ACBD6: variants seen among roughly 807,000 people sequenced by gnomAD.
ACBD6 encodes acyl-CoA binding domain containing 6.
A neutral mutation model predicts 37.2 loss-of-function variants in ACBD6; 28 were observed. The ratio of observed to expected loss-of-function variants is 0.75; its 90% confidence interval spans 0.56 to 1.03. ACBD6 has a LOEUF of 1.03. Ranked by LOEUF, ACBD6 falls within the 50% of genes least tolerant of loss-of-function variation. The pLI is 0.00. For synonymous variants in ACBD6, 113 were observed against 126.8 expected, an observed-to-expected ratio of 0.89 and a Z score of 0.73; for missense variants, 340 against 337.4, an observed-to-expected ratio of 1.01 and a Z score of -0.06.
chr1:180,368,885 G>C (rs997083728), intron 6 of ACBD6, among the ~76,000 whole-genome samples: 3 of 152,110 alleles, frequency 2.0e-5, no homozygotes, highest in African/African-American at 7.2e-5. Context: ...ACAGGTAACT[G>C]AAACTGCAGA....
At chr1:180,382,179 AAAT>A (rs1157859845) in intron 6 of ACBD6, among the ~76,000 whole-genome samples, 2 of 151,832 alleles carry the variant, frequency 1.3e-5, no homozygotes, top group African/African-American at 4.8e-5. Flanking sequence ...TTAGTATAAG[AAAT>A]AATAAATCAC....
chr1:180,437,687 T>C (rs1211338164), intron 3 of ACBD6, among the ~76,000 whole-genome samples: 1 of 151,984 alleles, frequency 6.6e-6, no homozygotes, highest in Non-Finnish European at 1.5e-5. Flanking sequence ...TCAGGTTAGG[T>C]CTGACAGAGA....
At chr1:180,419,292 A>G (rs1648249212) in intron 4 of ACBD6, among the ~76,000 whole-genome samples, 1 of 152,246 alleles carries the variant, frequency 6.6e-6, no homozygotes, top group Non-Finnish European at 1.5e-5. Flanking sequence ...GATGACAAAT[A>G]GACATTTGGA....
chr1:180,455,139 G>T (rs149468612), intron 3 of ACBD6, among the ~76,000 whole-genome samples: 20 of 152,310 alleles, frequency 1.3e-4, no homozygotes, highest in African/African-American at 3.8e-4. Context: ...ATCAGTGATA[G>T]ACTGGATTAA....
At chr1:180,271,395 G>C (rs769927908) in exon 14 of ACBD6, 1 of 1,614,182 alleles carries the variant, frequency 6.2e-7, no homozygotes, top group Non-Finnish European at 8.5e-7. Context: ...TCAGAGGCTG[G>C]AGCTAAGCGG....
rs1404597729 is a variant in ACBD6 at position 180,358,063 on chromosome 1, T to A, written c.663+39453A>T. ...AAAAAGAAAAATTCCTTGAAAGTCATGTTGTTTTTAACAAAGAGGTTTTCA... is the reference window on the plus strand; with the variant it reads ...AAAAAGAAAAATTCCTTGAAAGTCAAGTTGTTTTTAACAAAGAGGTTTTCA... On this transcript the variant is annotated intron_variant, in intron 6 of 7. Transcript: ENST00000367595. Among the ~76,000 whole-genome samples, 3 of 152,248 alleles carry A rather than the reference T, an allele frequency of 2.0e-5. No homozygotes were observed. In the East Asian group the frequency reaches 5.8e-4, roughly 29 times the overall value.
chr1:180,344,017 A>T (rs1391415441), intron 6 of ACBD6, among the ~76,000 whole-genome samples: 2 of 152,182 alleles, frequency 1.3e-5, no homozygotes, highest in African/African-American at 4.8e-5. Flanking sequence ...GATGAGGACC[A>T]TATTAGACAC....
At chr1:180,494,394 A>C (rs998921435) in intron 2 of ACBD6, among the ~76,000 whole-genome samples, 1 of 152,238 alleles carries the variant, frequency 6.6e-6, no homozygotes, top group Admixed American at 6.5e-5. Context: ...TCTTTAGAAC[A>C]GTAATAATAT....
rs192882689 is a variant in ACBD6 at position 180,465,367 on chromosome 1, T to G, written c.384+26902A>C. Among the ~76,000 whole-genome samples, 106 of 152,166 alleles carry G rather than the reference T, an allele frequency of 7.0e-4. 1 individual carries two copies. The East Asian group carries it at 0.013, about 19-fold the overall frequency. On this transcript the variant is annotated intron_variant, in intron 3 of 7. Coordinates refer to ENST00000367595, the MANE Select transcript of ACBD6 (RefSeq NM_032360.4). ...GTAGGCAAAGGACATGAAAAGACAC[T>G]TTTCAAAAGAAGACATACATGTGGC...
At chr1:180,414,261 A>G (rs1647987261) in intron 4 of ACBD6, among the ~76,000 whole-genome samples, 1 of 152,260 alleles carries the variant, frequency 6.6e-6, no homozygotes, top group South Asian at 2.1e-4. Flanking sequence ...TAGAATATCA[A>G]CAATCAAACT....
intron 3 of ACBD6, among the ~76,000 whole-genome samples, chr1:180,458,455 T>C (rs1650006019): frequency 6.6e-6 from 1 of 152,210 alleles, no homozygotes; most frequent in Non-Finnish European, 1.5e-5. Flanking sequence ...TGTTGTCATA[T>C]AATACAGATA....
At chr1:180,294,549 TATA>T (rs79651267) in intron 7 of ACBD6, among the ~76,000 whole-genome samples, 1 of 151,440 alleles carries the variant, frequency 6.6e-6, no homozygotes, top group African/African-American at 2.4e-5. Flanking sequence ...TAAAAAAATA[TATA>T]ATAATAATAA....
chr1:180,288,902 A>T (rs1649589087), intron 7 of ACBD6, among the ~76,000 whole-genome samples: 1 of 152,154 alleles, frequency 6.6e-6, no homozygotes, highest in Non-Finnish European at 1.5e-5. Flanking sequence ...AAAGGCTAAA[A>T]ATACTGTAAA....
intron 6 of ACBD6, among the ~76,000 whole-genome samples, chr1:180,370,746 T>A (rs1244026029): frequency 6.6e-6 from 1 of 152,138 alleles, no homozygotes; most frequent in Admixed American, 6.5e-5. Context: ...TTTTCTACTA[T>A]GCTTTCTCAA....
At chr1:180,331,105 T>G (rs1235124829) in intron 6 of ACBD6, among the ~76,000 whole-genome samples, 5 of 152,174 alleles carry the variant, frequency 3.3e-5, no homozygotes, top group Admixed American at 3.3e-4. Flanking sequence ...GGGGTCTATC[T>G]TGGCTTAGAA....
intron 7 of ACBD6, among the ~76,000 whole-genome samples, chr1:180,294,150 C>A (rs1433183493): frequency 6.6e-6 from 1 of 152,156 alleles, no homozygotes; most frequent in Admixed American, 6.5e-5. Context: ...CCGCCCCAGC[C>A]TCCCAAAGTG....
intron 4 of ACBD6, among the ~76,000 whole-genome samples, chr1:180,428,713 T>G (rs993659105): frequency 6.6e-6 from 1 of 152,126 alleles, no homozygotes; most frequent in East Asian, 1.9e-4. Flanking sequence ...TTAAGGAAAA[T>G]GGCATACAAA....
intron 6 of ACBD6, among the ~76,000 whole-genome samples, chr1:180,347,694 G>A (rs1571391239): frequency 6.6e-6 from 1 of 152,078 alleles, no homozygotes; most frequent in Non-Finnish European, 1.5e-5. Flanking sequence ...GTTCTAGGCC[G>A]GGTGCGGTGG....
chr1:180,376,973 T>C (rs1309742022), intron 6 of ACBD6, among the ~76,000 whole-genome samples: 1 of 152,218 alleles, frequency 6.6e-6, no homozygotes, highest in East Asian at 1.9e-4. Flanking sequence ...TAAGTAACTT[T>C]GGAAAACAGT....
Sources: gnomAD v4.1 joint callset for allele counts (sites outside exome capture counted in the v4.1 genomes callset) on GRCh38, gnomAD v4.1.1 for gene constraint, MANE v1.5 for transcripts, NCBI Gene and HGNC (gene_info 2026-07-23, HGNC 2026-07-21) for gene names.